Variants in CFAP69 observed in about 807,000 individuals in gnomAD.
CFAP69 encodes the protein cilia- and flagella-associated protein 69.
A neutral mutation model predicts 123.0 loss-of-function variants in CFAP69; 92 were observed. That is an observed-to-expected ratio of 0.75 (90% CI 0.63 to 0.89). The LOEUF (loss-of-function observed/expected upper bound fraction) is 0.89, where lower values mean the gene tolerates loss of function less well. Ranked by LOEUF, CFAP69 falls within the 40% of genes least tolerant of loss-of-function variation. CFAP69 has a pLI of 0.00. For missense variants in CFAP69, 1,067 were observed against 1,096.9 expected (o/e 0.97, Z 0.39); for synonymous variants, 380 against 364.3 (o/e 1.04, Z -0.49).
chr7:90,281,469 G>A (rs1789482881), intron 12 of CFAP69, among the ~76,000 whole-genome samples: 1 of 152,118 alleles, frequency 6.6e-6, no homozygotes, highest in Non-Finnish European at 1.5e-5. Context: ...CAATGGCATG[G>A]AATATATGAA....
rs561052884 is a variant in CFAP69, at chr7:90,303,687, T to A, written c.2051-282T>A. The A allele has an allele frequency of 1.1e-5, 11 of 993,616 alleles. No individual in the cohort carries two copies. The East Asian group carries it at 8.8e-4, about 79-fold the overall frequency. 61.5% of individuals were successfully genotyped at this position (993,616 alleles called of 1,614,324 possible). ...TCAAGTTCTGGATTTCAAAATTTTTTAAATTATTTACATAGAAGTTTTACT... is the reference window on the plus strand; with the variant it reads ...TCAAGTTCTGGATTTCAAAATTTTTAAAATTATTTACATAGAAGTTTTACT... On this transcript the variant is annotated intron_variant, in intron 17 of 22. Transcript: ENST00000389297.
At chr7:90,282,436 T>C (rs1426869680) in intron 12 of CFAP69, among the ~76,000 whole-genome samples, 1 of 152,210 alleles carries the variant, frequency 6.6e-6, no homozygotes, top group Non-Finnish European at 1.5e-5. Context: ...AAATTCAATG[T>C]GGATGTATCC....
At chr7:90,249,669 A>G (rs1796733391) in intron 1 of CFAP69, among the ~76,000 whole-genome samples, 1 of 152,150 alleles carries the variant, frequency 6.6e-6, no homozygotes, top group Non-Finnish European at 1.5e-5. Flanking sequence ...CCCTCATTCT[A>G]AAGTATCCCA....
chr7:90,279,694 A>T lies in CFAP69; in HGVS notation c.1173A>T (p.Lys391Asn). 4 of 1,601,934 alleles carry T rather than the reference A, an allele frequency of 2.5e-6. No homozygotes were observed. Among genetic ancestry groups the T allele is most frequent in the Non-Finnish European group, 3.4e-6 (4 of 1,175,946 alleles). The stretch of plus-strand genomic sequence containing the variant: ...TCTCACAGCTATTAATTGATGGCAA[A>T]GTTATTTTGGCTTTGTTTACCTATG... ...LPTVQLLIDG[K>N]VILALFTYVK... Residue 391 changes from lysine to asparagine, a missense_variant, in exon 12 of 23, where the codon AAA becomes AAT. By Grantham distance (94) the Lys-to-Asn change is moderately conservative (BLOSUM62 0). Transcript: ENST00000389297.
intron 14 of CFAP69, 113 bp from the exon 15 acceptor site, chr7:90,288,121 A>G: frequency 2.8e-6 from 2 of 724,924 alleles, no homozygotes; most frequent in Non-Finnish European, 4.4e-6. Flanking sequence ...TTTTTCTAAC[A>G]ATGTTGCTGT....
At chr7:90,319,686 C>T in the CFAP69 span, 1 of 398,388 alleles carries the variant, frequency 2.5e-6, no homozygotes, top group South Asian at 1.3e-4. Flanking sequence ...CAGCATTAAC[C>T]AGATTGATCA....
intron 21 of CFAP69, among the ~76,000 whole-genome samples, chr7:90,308,864 A>G (rs957829545): frequency 3.3e-5 from 5 of 152,206 alleles, no homozygotes; most frequent in Admixed American, 3.3e-4. Flanking sequence ...CTGAATGCTT[A>G]AAACATTTAA....
At chr7:90,256,854 TA>T (rs1157907495) in intron 2 of CFAP69, among the ~76,000 whole-genome samples, 1 of 152,154 alleles carries the variant, frequency 6.6e-6, no homozygotes, top group African/African-American at 2.4e-5. Flanking sequence ...CATTTAAGAT[TA>T]AAAGGACAGA....
At chr7:90,301,763 A>G (rs986674832) in intron 17 of CFAP69, 1 of 152,148 alleles carries the variant, frequency 6.6e-6, no homozygotes, top group African/African-American at 2.4e-5. Context: ...TGTCTTTGCT[A>G]TTGTGAATAG....
chr7:90,286,211 C>A, intron 13 of CFAP69, 70 bp from the exon 14 acceptor site: 1 of 1,311,530 alleles, frequency 7.6e-7, no homozygotes, highest in South Asian at 1.6e-5. Flanking sequence ...GAAGAGATTT[C>A]CAAACAGTAA....
chr7:90,281,928 C>G (rs1789551866), intron 12 of CFAP69, among the ~76,000 whole-genome samples: 1 of 152,080 alleles, frequency 6.6e-6, no homozygotes, highest in Admixed American at 6.5e-5. Context: ...GAGAAGTATA[C>G]AAGGACTAGG....
intron 1 of CFAP69, among the ~76,000 whole-genome samples, chr7:90,246,241 A>G (rs1392208330): frequency 1.3e-5 from 2 of 152,154 alleles, no homozygotes; most frequent in African/African-American, 4.8e-5. Context: ...TTGGATCTCT[A>G]TTCGAGGCGG....
intron 8 of CFAP69, chr7:90,272,298 G>C (rs1313073402): frequency 5.8e-6 from 1 of 172,576 alleles, no homozygotes; most frequent in Non-Finnish European, 1.2e-5. Context: ...GTAAGCATTA[G>C]CAACAAAATG....
At position 90,304,130 on chromosome 7, in the gene CFAP69, C is replaced by T. The variant is rs1050705263; in HGVS notation, c.2188+24C>T. ...AGGTAAGAAGTTCTCTTCAAATTTGCAAGAGTCTGTTTTGCTAAGTATACA... is the reference window on the plus strand; with the variant it reads ...AGGTAAGAAGTTCTCTTCAAATTTGTAAGAGTCTGTTTTGCTAAGTATACA... On this transcript the variant is annotated intron_variant, in intron 18 of 22. Coordinates refer to ENST00000389297, the MANE Select transcript of CFAP69 (RefSeq NM_001039706.3). 3 of 1,540,138 alleles carry T rather than the reference C, an allele frequency of 1.9e-6. No homozygotes were observed. In the Admixed American group the frequency reaches 6.0e-5, roughly 31 times the overall value.
chr7:90,271,510 A>C lies in CFAP69; in HGVS notation c.533-16A>C, dbSNP rs767988750. 3 of 1,602,920 alleles carry C rather than the reference A, an allele frequency of 1.9e-6. No homozygotes were observed. Among genetic ancestry groups the C allele is most frequent in the Non-Finnish European group, 2.6e-6 (3 of 1,175,182 alleles). ...TGTGAGATAACTGTATGTATTTATT[A>C]ATGAATTGTTGTTAGGTTACCAGCA... On this transcript the variant is annotated splice_polypyrimidine_tract_variant and intron_variant, in intron 6 of 22. Transcript: ENST00000389297.
At chr7:90,313,222 T>C (rs936106104), downstream of CFAP69, among the ~76,000 whole-genome samples, 7 of 152,230 alleles carry the variant, frequency 4.6e-5, no homozygotes, top group African/African-American at 1.7e-4. Context: ...TTAATACTCC[T>C]CTAAACTGTG....
downstream of CFAP69, among the ~76,000 whole-genome samples, chr7:90,313,471 A>G (rs1047763116): frequency 6.6e-6 from 1 of 152,166 alleles, no homozygotes; most frequent in African/African-American, 2.4e-5. Context: ...AGATAGACCC[A>G]ATACCCCAAC....
At chr7:90,267,364 A>G (rs1799292373) in intron 5 of CFAP69, among the ~76,000 whole-genome samples, 2 of 152,112 alleles carry the variant, frequency 1.3e-5, no homozygotes, top group South Asian at 4.1e-4. Flanking sequence ...TTTTACTCTC[A>G]GAGAGTCCAA....
chr7:90,305,418 A>C (rs1793434576), intron 19 of CFAP69, among the ~76,000 whole-genome samples: 1 of 149,912 alleles, frequency 6.7e-6, no homozygotes, highest in Non-Finnish European at 1.5e-5. Flanking sequence ...TGAGATGGAG[A>C]TTTTGCTCTT....
Sources: allele counts gnomAD v4.1 joint callset (sites outside exome capture counted in the v4.1 genomes callset), GRCh38; gene constraint gnomAD v4.1.1; transcripts MANE v1.5; gene names NCBI Gene and HGNC (gene_info 2026-07-23, HGNC 2026-07-21).